The following BACH2 variants were observed in gnomAD, a reference collection of about 807,000 sequenced individuals.
BACH2 encodes transcription regulator protein BACH2.
BACH2 carries 5 observed loss-of-function variants against 61.8 expected under a neutral mutation model. The observed-to-expected ratio is 0.08, with a 90% CI of 0.04 to 0.17. The LOEUF is 0.17. Ranked by LOEUF, BACH2 falls within the 10% of genes least tolerant of loss-of-function variation. The probability of loss-of-function intolerance (pLI) is 1.00; values close to 1 mark genes in which losing one functional copy is unlikely to be tolerated. For missense variants in BACH2, 824 were observed against 1,091.1 expected, an observed-to-expected ratio of 0.76 and a Z score of 3.45; for synonymous variants, 446 against 440.1, an observed-to-expected ratio of 1.01 and a Z score of -0.17.
intron 3 of BACH2, among the ~76,000 whole-genome samples, chr6:90,228,944 G>T (rs1164906453): frequency 6.6e-6 from 1 of 152,114 alleles, no homozygotes; most frequent in East Asian, 1.9e-4. Flanking sequence ...TAGTGAAATG[G>T]GTGGAATTAA....
chr6:90,068,253 C>T (rs1781057126), intron 5 of BACH2, among the ~76,000 whole-genome samples: 1 of 152,130 alleles, frequency 6.6e-6, no homozygotes, highest in African/African-American at 2.4e-5. Context: ...TGACATGGTA[C>T]AGAATATATT....
chr6:90,040,340 A>G (rs1008630195), intron 5 of BACH2, among the ~76,000 whole-genome samples: 7 of 151,994 alleles, frequency 4.6e-5, no homozygotes, highest in Admixed American at 3.9e-4. Context: ...TTTTTATCAC[A>G]CTGATTTGAG....
At chr6:90,295,964 C>G (rs1772352425) in intron 1 of BACH2, among the ~76,000 whole-genome samples, 1 of 152,200 alleles carries the variant, frequency 6.6e-6, no homozygotes, top group East Asian at 2.0e-4. Context: ...CCTCGCGGAG[C>G]AGCCCGGGAT....
intron 3 of BACH2, among the ~76,000 whole-genome samples, chr6:90,218,773 C>G (rs952537094): frequency 2.0e-5 from 3 of 152,142 alleles, no homozygotes; most frequent in Non-Finnish European, 4.4e-5. Context: ...TTAGATAACA[C>G]AGGCCTGCTG....
At chr6:90,101,372 C>T (rs1278309068) in intron 4 of BACH2, among the ~76,000 whole-genome samples, 2 of 152,084 alleles carry the variant, frequency 1.3e-5, no homozygotes, top group African/African-American at 4.8e-5. Flanking sequence ...AGAATTTTTG[C>T]TTGCATTTAT....
intron 5 of BACH2, among the ~76,000 whole-genome samples, chr6:90,034,237 C>T (rs796190060): frequency 6.6e-6 from 1 of 152,176 alleles, no homozygotes; most frequent in Non-Finnish European, 1.5e-5. Context: ...TGATTACTTA[C>T]AATTGACCGT....
Position 90,116,851 on chromosome 6 carries a change from C to T in BACH2, c.-161-27742G>A, listed in dbSNP as rs561500196. ...ACTAGGCTGGGATGCCTCTGGAGCACGCTTTGATATTTGATAGATGCCTCC... is the reference window on the plus strand; with the variant it reads ...ACTAGGCTGGGATGCCTCTGGAGCATGCTTTGATATTTGATAGATGCCTCC... On this transcript the variant is annotated intron_variant, in intron 4 of 8. Transcript: ENST00000257749. 104 of 613,084 alleles carry T rather than the reference C, an allele frequency of 1.7e-4. 8 individuals carry two copies. Among genetic ancestry groups the T allele is most frequent in the Middle Eastern group, 1.3e-3 (4 of 3,052 alleles). The allele number at this position is 613,084 out of a possible 1,614,324, so 38.0% of individuals were successfully genotyped here.
Position 90,100,753 on chromosome 6 carries a change from T to A in BACH2, c.-161-11644A>T, listed in dbSNP as rs1394912286. 4.2e-4 allele frequency among the ~76,000 whole-genome samples: 24 copies of A among 57,390 alleles called. No individual in the cohort carries two copies. In the Admixed American group the frequency reaches 4.6e-3, roughly 11 times the overall value. 37.7% of individuals were successfully genotyped at this position (57,390 alleles called of 152,430 possible). A position where few individuals can be genotyped will look rare whatever the true frequency, so the allele number is the denominator to read the frequency against. On this transcript the variant is annotated intron_variant, in intron 4 of 8. Transcript: ENST00000257749. ...GACACACACACACACACACACACCC[T>A]CTATTGGTTCTATTCTCTGCAGAAC...
chr6:90,152,064 A>C (rs1784829432), intron 4 of BACH2, among the ~76,000 whole-genome samples: 1 of 152,244 alleles, frequency 6.6e-6, no homozygotes, highest in Non-Finnish European at 1.5e-5. Flanking sequence ...TCTCTGCAGC[A>C]ATAAATCAGC....
At chr6:90,142,024 T>A (rs572989536) in intron 4 of BACH2, among the ~76,000 whole-genome samples, 1 of 152,248 alleles carries the variant, frequency 6.6e-6, no homozygotes, top group Non-Finnish European at 1.5e-5. Context: ...AGGTTATAAG[T>A]GAGCTGAGAT....
chr6:90,163,344 A>T (rs1219825517), intron 4 of BACH2, among the ~76,000 whole-genome samples: 1 of 152,166 alleles, frequency 6.6e-6, no homozygotes, highest in East Asian at 1.9e-4. Context: ...GCAGGTAAAA[A>T]CAATGAAGTG....
rs147600289 is a variant in BACH2 at position 90,287,564 on chromosome 6, C to T, written c.-446+8916G>A. ...ATCAACTCCAATGTACGGCAAAAGGCGGGAAATGCTCACTGACAAATGTAT... is the reference window on the plus strand; with the variant it reads ...ATCAACTCCAATGTACGGCAAAAGGTGGGAAATGCTCACTGACAAATGTAT... On this transcript the variant is annotated intron_variant, in intron 1 of 8. Transcript: ENST00000257749. Among the ~76,000 whole-genome samples the T allele has an allele frequency of 2.5e-3, 376 of 152,154 alleles. 8 individuals are homozygous for T. Among genetic ancestry groups the T allele is most frequent in the Admixed American group, 0.022 (332 of 15,288 alleles).
intron 6 of BACH2, among the ~76,000 whole-genome samples, chr6:89,970,247 G>T (rs1364739317): frequency 6.6e-6 from 1 of 152,228 alleles, no homozygotes; most frequent in East Asian, 1.9e-4. Flanking sequence ...GCCACCTCAA[G>T]GTAGGGCCTG....
rs1292932050 is a variant in BACH2, at chr6:90,009,276, ATT to A, written c.-12-422_-12-421del. ...GATTTGTGTGAAGAGGAAATGAATC[ATT>A]TTGAAGTATTTGTAATGTTGTCTTG... On this transcript the variant is annotated intron_variant, in intron 5 of 8. Coordinates refer to ENST00000257749, the MANE Select transcript of BACH2 (RefSeq NM_021813.4). 2.6e-5 allele frequency among the ~76,000 whole-genome samples: 4 copies of A among 152,362 alleles called. No individual in the cohort carries two copies. In the East Asian group the frequency reaches 7.7e-4, roughly 29 times the overall value.
intron 6 of BACH2, among the ~76,000 whole-genome samples, chr6:89,968,883 T>G (rs1030360299): frequency 6.6e-6 from 1 of 152,022 alleles, no homozygotes; most frequent in Non-Finnish European, 1.5e-5. Flanking sequence ...TGGTGGCGTA[T>G]GCCTGTAGTC....
In BACH2 at chr6:89,997,712, A is replaced by C. The variant is rs79948043; in HGVS notation, c.243+10890T>G. On this transcript the variant is annotated intron_variant, in intron 6 of 8. Coordinates refer to ENST00000257749, the MANE Select transcript of BACH2 (RefSeq NM_021813.4). ...TCTTAACTATCATACAAAACAAGAAAAACAGATAAGCAGGGAGGCATCAGA... is the reference window on the plus strand; with the variant it reads ...TCTTAACTATCATACAAAACAAGAACAACAGATAAGCAGGGAGGCATCAGA... Among the ~76,000 whole-genome samples, 1,190 of 152,312 alleles carry C rather than the reference A, an allele frequency of 7.8e-3. 24 individuals are homozygous for C. In the East Asian group the frequency reaches 0.079, roughly 10 times the overall value.
intron 2 of BACH2, among the ~76,000 whole-genome samples, chr6:90,271,434 T>C (rs1771521251): frequency 6.6e-6 from 1 of 151,176 alleles, no homozygotes; most frequent in Non-Finnish European, 1.5e-5. Context: ...AAAAACATTG[T>C]TTATGAAGTT....
At chr6:90,246,518 T>C (rs1770643373) in intron 3 of BACH2, among the ~76,000 whole-genome samples, 1 of 152,130 alleles carries the variant, frequency 6.6e-6, no homozygotes, top group Admixed American at 6.5e-5. Context: ...TGTAGTACAG[T>C]GTATTAAGAT....
chr6:90,207,117 G>GTT (rs1028503422), intron 3 of BACH2, among the ~76,000 whole-genome samples: 2 of 150,414 alleles, frequency 1.3e-5, no homozygotes, highest in African/African-American at 5.0e-5. Flanking sequence ...TGTCTTTTTT[G>GTT]TTTTTGTTTT....
Sources: allele counts gnomAD v4.1 joint callset (sites outside exome capture counted in the v4.1 genomes callset), GRCh38; gene constraint gnomAD v4.1.1; transcripts MANE v1.5; gene names NCBI Gene and HGNC (gene_info 2026-07-23, HGNC 2026-07-21).